UBR3: variants seen among roughly 807,000 people sequenced by gnomAD.
The protein encoded by UBR3 is E3 ubiquitin-protein ligase UBR3.
UBR3 carries 85 observed loss-of-function variants against 243.2 expected under a neutral mutation model. That is an observed-to-expected ratio of 0.35 (90% CI 0.29 to 0.42). The LOEUF (loss-of-function observed/expected upper bound fraction) is 0.42, where lower values mean the gene tolerates loss of function less well. Among genes scored for constraint, UBR3 ranks in the 10% least tolerant of loss-of-function variants. The pLI is 1.00. For missense variants in UBR3, 1,686 were observed against 2,300.8 expected (o/e 0.73, Z 5.47); for synonymous variants, 748 against 799.8 (o/e 0.94, Z 1.09).
intron 33 of UBR3, 92 bp downstream of exon 33, chr2:170,055,676 A>C: frequency 6.8e-7 from 1 of 1,462,590 alleles, no homozygotes; most frequent in Non-Finnish European, 9.2e-7. Flanking sequence ...TTACAAAATG[A>C]GTTATTGGTA....
At chr2:169,976,182 A>G (rs918009022) in intron 24 of UBR3, among the ~76,000 whole-genome samples, 4 of 151,632 alleles carry the variant, frequency 2.6e-5, no homozygotes, top group African/African-American at 9.7e-5. Flanking sequence ...ATTCAAGTTT[A>G]TTATTGATAG....
At chr2:169,864,587 G>A (rs540910329) in intron 1 of UBR3, among the ~76,000 whole-genome samples, 22 of 151,468 alleles carry the variant, frequency 1.5e-4, no homozygotes, top group African/African-American at 4.4e-4. Context: ...AACATGGCCA[G>A]GCAAAACCCC....
intron 5 of UBR3, among the ~76,000 whole-genome samples, chr2:169,880,763 C>T (rs539209674): frequency 2.0e-5 from 3 of 152,032 alleles, no homozygotes; most frequent in African/African-American, 7.3e-5. Context: ...TTCTGTTTCC[C>T]GCCTCCATCC....
chr2:169,875,766 G>C (rs1199929280), intron 2 of UBR3, 25 bp from the exon 3 acceptor site: 1 of 1,492,758 alleles, frequency 6.7e-7, no homozygotes, highest in Non-Finnish European at 8.9e-7. Context: ...ACCCTTATTT[G>C]ATTTTTTTTC....
At chr2:170,071,041 A>T (rs552184897) in intron 35 of UBR3, among the ~76,000 whole-genome samples, 2 of 152,312 alleles carry the variant, frequency 1.3e-5, no homozygotes, top group Admixed American at 1.3e-4. Context: ...CTTGTTCATT[A>T]GAGAAGTACC....
chr2:170,058,293 A>T (rs1226711409), intron 33 of UBR3, among the ~76,000 whole-genome samples: 1 of 151,960 alleles, frequency 6.6e-6, no homozygotes, highest in Non-Finnish European at 1.5e-5. Flanking sequence ...GCCAGATCTC[A>T]TCTGGCCTAT....
chr2:170,058,186 CCTTCCTTT>C (rs1217606656), intron 33 of UBR3, among the ~76,000 whole-genome samples: 2 of 152,256 alleles, frequency 1.3e-5, no homozygotes, highest in South Asian at 2.1e-4. Context: ...TCACCCCTTT[CCTTCCTTT>C]CTTCCTTTCT....
intron 25 of UBR3, among the ~76,000 whole-genome samples, chr2:169,987,227 T>C (rs1363864755): frequency 6.6e-6 from 1 of 151,896 alleles, no homozygotes; most frequent in Non-Finnish European, 1.5e-5. Flanking sequence ...ACCCCGTCTC[T>C]ACTAAAAATA....
chr2:170,052,856 C>T (rs559677650), intron 32 of UBR3, among the ~76,000 whole-genome samples: 1 of 152,312 alleles, frequency 6.6e-6, no homozygotes, highest in Admixed American at 6.5e-5. Flanking sequence ...CACACATACA[C>T]ACAGACACAT....
intron 29 of UBR3, among the ~76,000 whole-genome samples, chr2:170,010,307 G>A (rs142371382): frequency 1.5e-3 from 221 of 152,190 alleles, no homozygotes; most frequent in Non-Finnish European, 2.6e-3. Flanking sequence ...CATTGTAGAC[G>A]ATTGGGTTGA....
intron 29 of UBR3, among the ~76,000 whole-genome samples, chr2:170,012,306 G>T (rs1037240508): frequency 3.3e-5 from 5 of 152,130 alleles, no homozygotes; most frequent in African/African-American, 9.6e-5. Context: ...GGGCTAAAGA[G>T]AATCTTATAA....
intron 38 of UBR3, among the ~76,000 whole-genome samples, chr2:170,081,092 G>A (rs773794061): frequency 6.6e-6 from 1 of 152,220 alleles, no homozygotes; most frequent in Non-Finnish European, 1.5e-5. Context: ...AACTCGGGAG[G>A]AGGTGGAAGG....
At chr2:170,067,983 T>G (rs2091614086) in intron 35 of UBR3, among the ~76,000 whole-genome samples, 1 of 151,874 alleles carries the variant, frequency 6.6e-6, no homozygotes, top group African/African-American at 2.4e-5. Context: ...TTGGGCAGGA[T>G]GGTCTTGAAC....
Position 169,852,850 on chromosome 2 carries a change from CAAAAAA to C in UBR3, c.546-19363_546-19358del, listed in dbSNP as rs869283640. On this transcript the variant is annotated intron_variant, in intron 1 of 38. Coordinates refer to ENST00000272793, the MANE Select transcript of UBR3 (RefSeq NM_172070.4). The stretch of plus-strand genomic sequence containing the variant: ...TGGGTGAAAGAGTGAGACTTCATCT[CAAAAAA>C]AAAAAAAAAAAAAAAAAAAAAACAA... Among the ~76,000 whole-genome samples the C allele has an allele frequency of 1.8e-3, 86 of 48,300 alleles. 3 individuals are homozygous for C. Among genetic ancestry groups the C allele is most frequent in the Non-Finnish European group, 2.1e-3 (63 of 30,402 alleles). 31.7% of individuals were successfully genotyped at this position (48,300 alleles called of 152,430 possible). A position where few individuals can be genotyped will look rare whatever the true frequency, so the allele number is the denominator to read the frequency against.
At position 169,891,194 on chromosome 2, in the gene UBR3, C is replaced by A; in HGVS notation, c.1068C>A (p.Gly356=). The change falls in exon 6 of 39, where the codon GGC becomes GGA. Residue 356 remains glycine, a synonymous_variant. Coordinates refer to ENST00000272793, the MANE Select transcript of UBR3 (RefSeq NM_172070.4). ...ATCAGGATGGTAGTCAAGGTCTGGG[C>A]AAGAGAAAAAGGGTAAAACTAAGCA... ...EDDQDGSQGL[G]KRKRVKLSSG... The A allele has an allele frequency of 6.5e-7, 1 of 1,549,618 alleles. No individual in the cohort carries two copies. The highest frequency in any genetic ancestry group is 2.5e-5 in the East Asian group (1 of 40,784).
intron 32 of UBR3, 70 bp from the exon 33 acceptor site, chr2:170,055,390 T>C (rs531290565): frequency 6.5e-7 from 1 of 1,541,822 alleles, no homozygotes; most frequent in South Asian, 1.2e-5. Context: ...GAAAGGCATA[T>C]ATTTGTAAAA....
intron 38 of UBR3, 65 bp downstream of exon 38, chr2:170,080,749 A>C: frequency 1.3e-6 from 2 of 1,495,368 alleles, no homozygotes; most frequent in Non-Finnish European, 1.8e-6. Flanking sequence ...CCAATATGCT[A>C]TTCCTGGCTT....
At chr2:169,997,287 C>G (rs147199108) in intron 26 of UBR3, among the ~76,000 whole-genome samples, 1 of 152,138 alleles carries the variant, frequency 6.6e-6, no homozygotes, top group African/African-American at 2.4e-5. Context: ...GCGCTCAACT[C>G]GCTCCCCAGC....
At chr2:169,914,182 G>A (rs1454489708) in intron 11 of UBR3, 36 bp downstream of exon 11, 11 of 1,206,492 alleles carry the variant, frequency 9.1e-6, no homozygotes, top group African/African-American at 3.2e-5. Flanking sequence ...ATTTTTTGAT[G>A]TATGTAAAGA....
Sources: gnomAD v4.1 joint callset for allele counts (sites outside exome capture counted in the v4.1 genomes callset) on GRCh38, gnomAD v4.1.1 for gene constraint, MANE v1.5 for transcripts, NCBI Gene and HGNC (gene_info 2026-07-23, HGNC 2026-07-21) for gene names.